ATP10A: variants seen among roughly 807,000 people sequenced by gnomAD.
ATP10A encodes ATPase phospholipid transporting 10A (putative), also known as phospholipid-transporting ATPase VA.
ATP10A carries 111 observed loss-of-function variants against 147.8 expected under a neutral mutation model. That is an observed-to-expected ratio of 0.75 (90% CI 0.64 to 0.88). The LOEUF is 0.88. Ranked by LOEUF, ATP10A falls within the 40% of genes least tolerant of loss-of-function variation. The probability of loss-of-function intolerance (pLI) is 0.00; values close to 1 mark genes in which losing one functional copy is unlikely to be tolerated. For missense variants in ATP10A, 1,927 were observed against 1,959.0 expected, an observed-to-expected ratio of 0.98 and a Z score of 0.31; for synonymous variants, 875 against 841.6, an observed-to-expected ratio of 1.04 and a Z score of -0.69.
At chr15:25,820,166 T>A (rs1310165100) in intron 1 of ATP10A, among the ~76,000 whole-genome samples, 5 of 152,192 alleles carry the variant, frequency 3.3e-5, no homozygotes. Flanking sequence ...TACAGGATCA[T>A]AATTTTAAAC....
At chr15:25,797,616 G>T (rs746160823) in intron 1 of ATP10A, among the ~76,000 whole-genome samples, 7 of 152,188 alleles carry the variant, frequency 4.6e-5, no homozygotes, top group African/African-American at 7.2e-5. Flanking sequence ...GGTCTGGAGG[G>T]GGCTCAGTGG....
At chr15:25,787,110 C>T (rs1345504266) in intron 1 of ATP10A, among the ~76,000 whole-genome samples, 1 of 152,058 alleles carries the variant, frequency 6.6e-6, no homozygotes, top group Non-Finnish European at 1.5e-5. Context: ...AGAGACTGAC[C>T]TCCCAAAAGT....
intron 14 of ATP10A, 85 bp downstream of exon 14, chr15:25,694,734 T>C (rs1357231410): frequency 8.2e-7 from 1 of 1,213,192 alleles, no homozygotes; most frequent in East Asian, 2.4e-5. Context: ...AGGAAGTGTT[T>C]TCCCATCTCG....
At chr15:25,752,756 T>G (rs1888220357) in intron 2 of ATP10A, among the ~76,000 whole-genome samples, 1 of 152,332 alleles carries the variant, frequency 6.6e-6, no homozygotes, top group Non-Finnish European at 1.5e-5. Flanking sequence ...TTGAGTAGTA[T>G]GGCATCCTAA....
intron 2 of ATP10A, among the ~76,000 whole-genome samples, chr15:25,740,065 A>G (rs1887501961): frequency 6.6e-6 from 1 of 152,220 alleles, no homozygotes; most frequent in African/African-American, 2.4e-5. Context: ...AGCAGTGCCC[A>G]GATTGCTACT....
At chr15:25,729,772 A>G (rs1032407292) in intron 3 of ATP10A, among the ~76,000 whole-genome samples, 2 of 151,942 alleles carry the variant, frequency 1.3e-5, no homozygotes, top group African/African-American at 4.8e-5. Flanking sequence ...GCAGTCCTCC[A>G]TGCCACACTC....
At chr15:25,694,377 C>T (rs1900195284) in intron 14 of ATP10A, among the ~76,000 whole-genome samples, 1 of 152,236 alleles carries the variant, frequency 6.6e-6, no homozygotes, top group Non-Finnish European at 1.5e-5. Context: ...GGTCACCAAG[C>T]CTCTGGGCCC....
chr15:25,746,938 A>G (rs2140532037), intron 2 of ATP10A, among the ~76,000 whole-genome samples: 1 of 152,334 alleles, frequency 6.6e-6, no homozygotes, highest in South Asian at 2.1e-4. Flanking sequence ...TGCAAATAAT[A>G]TCCCAAAAAT....
At position 25,857,132 on chromosome 15, in the gene ATP10A, C is replaced by T. The variant is rs11637231; in HGVS notation, c.449+5516G>A. Reference sequence around the variant, plus strand: ...TGAGATAAGTGGAAATCTGAACACACACTGGGTATTTAACAGTATTAGGAA... The same window carrying T: ...TGAGATAAGTGGAAATCTGAACACATACTGGGTATTTAACAGTATTAGGAA... On this transcript the variant is annotated intron_variant, in intron 1 of 20. Transcript: ENST00000555815. 3.3e-5 allele frequency among the ~76,000 whole-genome samples: 5 copies of T among 152,092 alleles called. No individual in the cohort carries two copies. In the East Asian group the frequency reaches 7.7e-4, roughly 24 times the overall value.
Position 25,862,995 on chromosome 15 carries a change from G to A in ATP10A, c.102C>T (p.Pro34=). Residue 34 remains proline, a synonymous_variant, in exon 1 of 21, where the codon CCC becomes CCT. Coordinates refer to ENST00000555815, the MANE Select transcript of ATP10A (RefSeq NM_024490.4). ...TRTVRSNLLP[P]PGAEDPAAGA... ...CAGCCGCAGGGTCCTCGGCGCCCGG[G>A]GGCGGCAGCAGGTTGGAGCGCACCG... 1 of 1,413,646 alleles carries A rather than the reference G, an allele frequency of 7.1e-7. No individual in the cohort carries two copies. Among genetic ancestry groups the A allele is most frequent in the South Asian group, 1.6e-5 (1 of 64,236 alleles). The allele number at this position is 1,413,646 out of a possible 1,614,324, so 87.6% of individuals were successfully genotyped here.
At chr15:25,697,549 A>G (rs772809158) in intron 13 of ATP10A, among the ~76,000 whole-genome samples, 1 of 152,236 alleles carries the variant, frequency 6.6e-6, no homozygotes, top group Non-Finnish European at 1.5e-5. Context: ...AAGATTGAAC[A>G]TGCTGGAAAT....
chr15:25,721,752 TA>T lies in ATP10A; in HGVS notation c.1267del (p.Tyr423ThrfsTer10). The T allele has an allele frequency of 6.2e-7, 1 of 1,614,206 alleles. No homozygotes were observed. Among genetic ancestry groups the T allele is most frequent in the Non-Finnish European group, 8.5e-7 (1 of 1,180,046 alleles). ...AGTGCCAGTTTTATCTGAGAAAATG[TA>T]CTGTATCTGTCCTAAGTCTTCCGTG... ...NITEDLGQIQ[Y>X]IFSDKTGTLT... On this transcript the variant is annotated frameshift_variant, in exon 7 of 21. Transcript: ENST00000555815. LOFTEE classifies it high-confidence loss of function.
rs553147058 is a variant in ATP10A at position 25,780,703 on chromosome 15, AGCTAGGTAC to A, written c.654+307_654+315del. Among the ~76,000 whole-genome samples, 26 of 152,364 alleles carry A rather than the reference AGCTAGGTAC, an allele frequency of 1.7e-4. No homozygotes were observed. In the South Asian group the frequency reaches 5.4e-3, roughly 32 times the overall value. ...TTGCCATTTAGTAAACCAGTGAAAC[AGCTAGGTAC>A]GTGTTGACCATCAGCTGCTCATAAA... On this transcript the variant is annotated intron_variant, in intron 2 of 20. Transcript: ENST00000555815.
At position 25,680,902 on chromosome 15, in the gene ATP10A, A is replaced by G; in HGVS notation, c.3586T>C (p.Ser1196Pro). Residue 1196 changes from serine to proline, a missense_variant, in exon 19 of 21, where the codon TCG becomes CCG. Transcript: ENST00000555815. ...CCCCAGGTAAACAGGTCCACGTTCG[A>G]GTCATAGTAGGCCTGAAAGACAGTG... The part of the protein sequence containing the change: ...FSIPYLAYYD[S>P]NVDLFTWGTP... The G allele has an allele frequency of 6.2e-7, 1 of 1,614,148 alleles. No homozygotes were observed. The highest frequency in any genetic ancestry group is 1.1e-5 in the South Asian group (1 of 91,086).
intron 1 of ATP10A, among the ~76,000 whole-genome samples, chr15:25,853,998 G>A (rs1288420955): frequency 6.6e-6 from 1 of 150,956 alleles, no homozygotes; most frequent in Non-Finnish European, 1.5e-5. Context: ...GGTTCCTACT[G>A]ACCAAAGAAA....
chr15:25,822,997 A>C (rs1891952397), intron 1 of ATP10A, among the ~76,000 whole-genome samples: 1 of 152,168 alleles, frequency 6.6e-6, no homozygotes, highest in African/African-American at 2.4e-5. Flanking sequence ...CAAGGACATG[A>C]AAAAAATAAG....
intron 1 of ATP10A, among the ~76,000 whole-genome samples, chr15:25,830,551 C>T (rs1892311096): frequency 6.6e-6 from 1 of 152,152 alleles, no homozygotes; most frequent in South Asian, 2.1e-4. Flanking sequence ...CCTGAACAGG[C>T]TCTCAGGAGG....
rs748862225 is a variant in ATP10A, at chr15:25,679,900, G to A, written c.3941C>T (p.Ser1314Phe). The stretch of plus-strand genomic sequence containing the variant: ...TTTGGGAGCACTGCATCTCCTGGGG[G>A]ACTTCCTGGTCAACTGACGTGCCAG... ...LQLARQLTRKSPRRCSAPKET... is the reference protein window; with the variant it reads ...LQLARQLTRKFPRRCSAPKET... Residue 1314 changes from serine to phenylalanine, a missense_variant, in exon 21 of 21, where the codon TCC (serine) becomes TTC (phenylalanine). Transcript: ENST00000555815. 3 of 1,610,246 alleles carry A rather than the reference G, an allele frequency of 1.9e-6. No homozygotes were observed. The highest frequency in any genetic ancestry group is 2.2e-5 in the South Asian group (2 of 91,076).
chr15:25,757,861 A>T (rs1415579933), intron 2 of ATP10A, among the ~76,000 whole-genome samples: 1 of 128,786 alleles, frequency 7.8e-6, no homozygotes, highest in Non-Finnish European at 1.7e-5. Flanking sequence ...CTCCACCCTA[A>T]CTCATTCCGA....
Sources: gnomAD v4.1 joint callset for allele counts (sites outside exome capture counted in the v4.1 genomes callset) on GRCh38, gnomAD v4.1.1 for gene constraint, MANE v1.5 for transcripts, NCBI Gene and HGNC (gene_info 2026-07-23, HGNC 2026-07-21) for gene names.